MIR2052HG: variants seen among roughly 807,000 people sequenced by gnomAD.
MIR2052HG encodes the protein MIR2052 host gene.
chr8:74,735,702 T>C (rs147668644), intron 4 of MIR2052HG, among the ~76,000 whole-genome samples: 1 of 152,360 alleles, frequency 6.6e-6, no homozygotes, highest in Admixed American at 6.5e-5. Context: ...CATAACTTTG[T>C]TGACTTATTT....
At chr8:74,629,731 C>T (rs775485732) in intron 2 of MIR2052HG, among the ~76,000 whole-genome samples, 4 of 152,084 alleles carry the variant, frequency 2.6e-5, no homozygotes, top group Admixed American at 1.3e-4. Flanking sequence ...ACCAAAACAG[C>T]GTTGGCCAAC....
chr8:74,635,342 A>G (rs1808570181), intron 2 of MIR2052HG, among the ~76,000 whole-genome samples: 1 of 151,950 alleles, frequency 6.6e-6, no homozygotes, highest in Non-Finnish European at 1.5e-5. Flanking sequence ...GGTGTCTAGG[A>G]GATATTTGAA....
intron 2 of MIR2052HG, among the ~76,000 whole-genome samples, chr8:74,616,650 T>C (rs1808286252): frequency 6.6e-6 from 1 of 152,056 alleles, no homozygotes; most frequent in South Asian, 2.1e-4. Flanking sequence ...CCAGGCACTA[T>C]GGATATGTGG....
At chr8:74,600,989 A>G (rs1465176368) in intron 1 of MIR2052HG, among the ~76,000 whole-genome samples, 1 of 152,218 alleles carries the variant, frequency 6.6e-6, no homozygotes, top group Non-Finnish European at 1.5e-5. Context: ...TTGCTGCTTT[A>G]CAAAAAGCCA....
At chr8:74,656,404 A>G (rs1319747346) in intron 2 of MIR2052HG, among the ~76,000 whole-genome samples, 3 of 152,084 alleles carry the variant, frequency 2.0e-5, no homozygotes, top group Non-Finnish European at 2.9e-5. Flanking sequence ...GGGACACAGT[A>G]TGAGGTAATT....
intron 4 of MIR2052HG, among the ~76,000 whole-genome samples, chr8:74,734,958 C>T (rs1380077942): frequency 6.6e-6 from 1 of 152,170 alleles, no homozygotes; most frequent in Admixed American, 6.6e-5. Flanking sequence ...TACATATGTA[C>T]AATGCTGAAC....
intron 4 of MIR2052HG, among the ~76,000 whole-genome samples, chr8:74,710,085 T>C (rs1339875971): frequency 1.3e-5 from 2 of 152,186 alleles, no homozygotes; most frequent in Non-Finnish European, 1.5e-5. Flanking sequence ...ATTCCAAGTA[T>C]GCCCATCTAA....
intron 2 of MIR2052HG, among the ~76,000 whole-genome samples, chr8:74,669,103 T>C (rs940120626): frequency 9.2e-5 from 14 of 152,318 alleles, no homozygotes; most frequent in African/African-American, 3.1e-4. Context: ...TAAATCAACA[T>C]TTCTGCTTGC....
intron 2 of MIR2052HG, among the ~76,000 whole-genome samples, chr8:74,676,023 T>C (rs1809047667): frequency 6.6e-6 from 1 of 151,936 alleles, no homozygotes; most frequent in Non-Finnish European, 1.5e-5. Flanking sequence ...ACACTATTAT[T>C]CTCAAGAGCA....
chr8:74,680,022 C>A (rs777237622), intron 2 of MIR2052HG, among the ~76,000 whole-genome samples: 5 of 152,066 alleles, frequency 3.3e-5, no homozygotes, highest in Non-Finnish European at 4.4e-5. Context: ...TCATTATTCA[C>A]GGATCATATT....
intron 2 of MIR2052HG, among the ~76,000 whole-genome samples, chr8:74,656,019 AC>A (rs930806988): frequency 6.6e-6 from 1 of 151,832 alleles, no homozygotes; most frequent in Non-Finnish European, 1.5e-5. Context: ...AAATTTGACT[AC>A]CCCACTGGAT....
chr8:74,699,175 A>G (rs1484252412), intron 2 of MIR2052HG, among the ~76,000 whole-genome samples: 1 of 152,160 alleles, frequency 6.6e-6, no homozygotes, highest in African/African-American at 2.4e-5. Flanking sequence ...GTAAACTAGT[A>G]TAGCCGCTAT....
intron 2 of MIR2052HG, among the ~76,000 whole-genome samples, chr8:74,664,934 C>G: frequency 6.6e-6 from 1 of 152,206 alleles, no homozygotes; most frequent in African/African-American, 2.4e-5. Flanking sequence ...ATCCTGTTAC[C>G]AGCATCATAG....
chr8:74,659,624 C>A (rs912660467), intron 2 of MIR2052HG, among the ~76,000 whole-genome samples: 1 of 152,014 alleles, frequency 6.6e-6, no homozygotes. Context: ...GAAAGAATGT[C>A]TCGTAGATAT....
At chr8:74,744,065 A>G (rs1204021678) in intron 4 of MIR2052HG, among the ~76,000 whole-genome samples, 2 of 152,204 alleles carry the variant, frequency 1.3e-5, no homozygotes, top group Non-Finnish European at 1.5e-5. Context: ...GTGTTAATCT[A>G]CAATGACTGT....
chr8:74,622,154 A>G (rs944517551), intron 2 of MIR2052HG, among the ~76,000 whole-genome samples: 3 of 152,252 alleles, frequency 2.0e-5, no homozygotes, highest in Non-Finnish European at 2.9e-5. Flanking sequence ...AGCTATGTAT[A>G]TAATAAGGGA....
chr8:74,715,263 C>T (rs572337756), intron 4 of MIR2052HG, among the ~76,000 whole-genome samples: 2 of 152,168 alleles, frequency 1.3e-5, no homozygotes, highest in Admixed American at 6.6e-5. Flanking sequence ...GCACAAGTTA[C>T]GAGTACTTTT....
intron 5 of MIR2052HG, among the ~76,000 whole-genome samples, chr8:74,753,153 A>T (rs929179180): frequency 1.3e-5 from 2 of 152,224 alleles, no homozygotes; most frequent in Non-Finnish European, 2.9e-5. Context: ...ATAAAGTCAA[A>T]GTAATTCTAA....
At chr8:74,678,752 A>C (rs1329615857) in intron 2 of MIR2052HG, among the ~76,000 whole-genome samples, 1 of 151,948 alleles carries the variant, frequency 6.6e-6, no homozygotes, top group Non-Finnish European at 1.5e-5. Context: ...ACATTAATAT[A>C]ATAGAAATGA....
Sources: gnomAD v4.1 joint callset for allele counts (sites outside exome capture counted in the v4.1 genomes callset) on GRCh38, gnomAD v4.1.1 for gene constraint, MANE v1.5 for transcripts, NCBI Gene and HGNC (gene_info 2026-07-23, HGNC 2026-07-21) for gene names.